Variants in B4GALT6 observed in about 807,000 individuals in gnomAD.
The protein encoded by B4GALT6 is UDP-Gal:beta-GlcNAc beta-1,4-galactosyltransferase 6.
In B4GALT6, 14 loss-of-function variants were observed where a neutral mutation model predicts 46.3. That is an observed-to-expected ratio of 0.30 (90% CI 0.20 to 0.47). B4GALT6 has a LOEUF of 0.47. Ranked by LOEUF, B4GALT6 falls within the 20% of genes least tolerant of loss-of-function variation. The pLI is 0.99. For synonymous variants in B4GALT6, 168 were observed against 162.0 expected (o/e 1.04, Z -0.28); for missense variants, 386 against 480.1 (o/e 0.80, Z 1.83).
the B4GALT6 span, among the ~76,000 whole-genome samples, chr18:31,692,899 T>C: frequency 6.6e-6 from 1 of 152,220 alleles, no homozygotes; most frequent in Non-Finnish European, 1.5e-5. Context: ...GTTAGGGCTC[T>C]AACTGAACTT....
chr18:31,667,196 T>C (rs187287365), intron 1 of B4GALT6, among the ~76,000 whole-genome samples: 99 of 152,190 alleles, frequency 6.5e-4, no homozygotes, highest in Non-Finnish European at 1.1e-3. Flanking sequence ...GTGCATAACT[T>C]TGTACAGCTC....
the B4GALT6 span, among the ~76,000 whole-genome samples, chr18:31,701,476 C>A: frequency 6.6e-6 from 1 of 152,174 alleles, no homozygotes; most frequent in African/African-American, 2.4e-5. Context: ...TTCTTTATAG[C>A]AGTGTAAGAA....
chr18:31,722,787 C>T, the B4GALT6 span, among the ~76,000 whole-genome samples: 5 of 152,148 alleles, frequency 3.3e-5, no homozygotes, highest in African/African-American at 1.2e-4. Flanking sequence ...CTACTATGAT[C>T]CCGTTCTTAG....
chr18:31,629,620 C>T (rs1453668297), intron 6 of B4GALT6, among the ~76,000 whole-genome samples: 11 of 149,970 alleles, frequency 7.3e-5, no homozygotes, highest in African/African-American at 2.7e-4. Flanking sequence ...GAGGCCGAGG[C>T]GGGTGGATCA....
At position 31,638,356 on chromosome 18, in the gene B4GALT6, T is replaced by C. The variant is rs183770771; in HGVS notation, c.588+288A>G. 2.9e-3 allele frequency among the ~76,000 whole-genome samples: 437 copies of C among 152,150 alleles called. 1 individual carries two copies. Among genetic ancestry groups the C allele is most frequent in the African/African-American group, 0.01 (422 of 41,484 alleles). ...TCCTGGCTAACACGGTGAAACCCTG[T>C]ATCTACTAAAAATATAAAAAATTAG... On this transcript the variant is annotated intron_variant, in intron 5 of 8. Transcript: ENST00000306851.
upstream of B4GALT6, among the ~76,000 whole-genome samples, chr18:31,689,324 G>C (rs1567990151): frequency 6.6e-6 from 1 of 152,152 alleles, no homozygotes; most frequent in African/African-American, 2.4e-5. Context: ...AGAAAACTAT[G>C]GGGGTGGAAG....
At chr18:31,644,137 A>G (rs1429374707) in intron 4 of B4GALT6, among the ~76,000 whole-genome samples, 1 of 152,224 alleles carries the variant, frequency 6.6e-6, no homozygotes, top group Non-Finnish European at 1.5e-5. Flanking sequence ...TATAAAATTA[A>G]ATGTTTTGCT....
chr18:31,628,680 C>T (rs2073734446), intron 6 of B4GALT6, among the ~76,000 whole-genome samples: 1 of 152,130 alleles, frequency 6.6e-6, no homozygotes, highest in African/African-American at 2.4e-5. Flanking sequence ...GGGGCAGGGA[C>T]GCTTCACCAG....
At chr18:31,637,581 A>AC (rs1317127827) in intron 5 of B4GALT6, among the ~76,000 whole-genome samples, 2 of 152,270 alleles carry the variant, frequency 1.3e-5, no homozygotes, top group East Asian at 3.9e-4. Flanking sequence ...AGGTTTACTA[A>AC]CTGGCTGTCA....
the B4GALT6 span, among the ~76,000 whole-genome samples, chr18:31,699,458 G>C: frequency 1.3e-5 from 2 of 151,702 alleles, no homozygotes; most frequent in African/African-American, 4.8e-5. Context: ...ATCTTTAGTA[G>C]AGACAGGGTT....
In B4GALT6 at chr18:31,675,372, T is replaced by G. The variant is rs77528099; in HGVS notation, c.115+8940A>C. ...AAAGTTAAGGGGCCATCTGGCTTCC[T>G]CTGTAAAGAACCAAGATCCTGCAAA... On this transcript the variant is annotated intron_variant, in intron 1 of 8. Coordinates refer to ENST00000306851, the MANE Select transcript of B4GALT6 (RefSeq NM_004775.5). 1.5e-3 allele frequency among the ~76,000 whole-genome samples: 235 copies of G among 152,334 alleles called. 1 individual carries two copies. Among genetic ancestry groups the G allele is most frequent in the African/African-American group, 5.2e-3 (216 of 41,574 alleles).
chr18:31,707,722 A>G, the B4GALT6 span, among the ~76,000 whole-genome samples: 2 of 152,168 alleles, frequency 1.3e-5, no homozygotes, highest in African/African-American at 4.8e-5. Flanking sequence ...CACATTATGC[A>G]TGGTTCATAA....
chr18:31,694,455 C>G, the B4GALT6 span, among the ~76,000 whole-genome samples: 3 of 152,142 alleles, frequency 2.0e-5, no homozygotes, highest in Admixed American at 6.5e-5. Context: ...TTAAACACAC[C>G]AACCTCTTCA....
chr18:31,713,347 A>G, the B4GALT6 span, among the ~76,000 whole-genome samples: 2 of 152,334 alleles, frequency 1.3e-5, no homozygotes, highest in African/African-American at 2.4e-5. Context: ...GTGAGATTCC[A>G]TCTTTAAATA....
chr18:31,708,437 C>T, the B4GALT6 span, among the ~76,000 whole-genome samples: 4 of 152,022 alleles, frequency 2.6e-5, no homozygotes, highest in East Asian at 1.9e-4. Flanking sequence ...TGGTGGCGGA[C>T]GCCTCTAGTC....
chr18:31,626,028 T>A (rs1297449413), intron 8 of B4GALT6, among the ~76,000 whole-genome samples: 1 of 152,232 alleles, frequency 6.6e-6, no homozygotes, highest in Non-Finnish European at 1.5e-5. Context: ...GTTACGTAAA[T>A]ACTTTTACAT....
chr18:31,640,486 T>C (rs554223131), intron 4 of B4GALT6, among the ~76,000 whole-genome samples: 42 of 152,174 alleles, frequency 2.8e-4, no homozygotes, highest in Non-Finnish European at 4.6e-4. Flanking sequence ...AACTCCCCCA[T>C]TCATTTTCCC....
At chr18:31,662,308 C>G (rs1417059470) in intron 2 of B4GALT6, among the ~76,000 whole-genome samples, 1 of 152,200 alleles carries the variant, frequency 6.6e-6, no homozygotes, top group Non-Finnish European at 1.5e-5. Flanking sequence ...AACACCTCCA[C>G]ACTCCTTCAG....
intron 5 of B4GALT6, among the ~76,000 whole-genome samples, chr18:31,631,409 C>A (rs2073789404): frequency 6.6e-6 from 1 of 151,760 alleles, no homozygotes. Flanking sequence ...CAAATGATTA[C>A]AATAATTAGA....
Sources: allele counts gnomAD v4.1 joint callset (sites outside exome capture counted in the v4.1 genomes callset), GRCh38; gene constraint gnomAD v4.1.1; transcripts MANE v1.5; gene names NCBI Gene and HGNC (gene_info 2026-07-23, HGNC 2026-07-21).